VASH2: variants seen among roughly 807,000 people sequenced by gnomAD.
The protein encoded by VASH2 is tubulinyl-Tyr carboxypeptidase 2.
In VASH2, 28 loss-of-function variants were observed where a neutral mutation model predicts 37.2. That is an observed-to-expected ratio of 0.75 (90% CI 0.56 to 1.03). The LOEUF (loss-of-function observed/expected upper bound fraction) is 1.03. Ranked by LOEUF, VASH2 falls within the 50% of genes least tolerant of loss-of-function variation. VASH2 has a pLI of 0.00. For synonymous variants in VASH2, 188 were observed against 174.7 expected (o/e 1.08, Z -0.60); for missense variants, 419 against 459.1 (o/e 0.91, Z 0.80).
At position 212,972,705 on chromosome 1, in the gene VASH2, GCAT is replaced by G. The variant is rs1558148346; in HGVS notation, c.624_626del (p.Met209del). On this transcript the variant is annotated inframe_deletion, in exon 6 of 8. Transcript: ENST00000517399. ...TGCAATGGCCGCTATGGCTCATTGG[GCAT>G]GAGCCGCAGGGCTGAGCTGATGGAC... The G allele has an allele frequency of 6.2e-7, 1 of 1,614,222 alleles. No individual in the cohort carries two copies. The highest frequency in any genetic ancestry group is 1.7e-5 in the Admixed American group (1 of 60,028).
rs993168548 is a variant in VASH2 at position 212,971,660 on chromosome 1, A to G, written c.498-920A>G. On this transcript the variant is annotated intron_variant, in intron 5 of 7. Transcript: ENST00000517399. The surrounding 1 kb of genome is among the most constrained non-coding windows in gnomAD (Gnocchi z 4.0). The stretch of plus-strand genomic sequence containing the variant: ...ATGATAAAGTGAAGAGAAAGCAAGT[A>G]CAAAACTGCTTTCTTTCTAGAGAGT... Among the ~76,000 whole-genome samples, 2 of 152,210 alleles carry G rather than the reference A, an allele frequency of 1.3e-5. No individual in the cohort carries two copies. The highest frequency in any genetic ancestry group is 2.9e-5 in the Non-Finnish European group (2 of 68,030).
chr1:212,988,657 A>C lies in VASH2; in HGVS notation c.*73A>C. 1.4e-6 allele frequency: 2 copies of C among 1,425,060 alleles called. No homozygotes were observed. The highest frequency in any genetic ancestry group is 2.0e-6 in the Non-Finnish European group (2 of 1,011,836). 88.3% of individuals were successfully genotyped at this position (1,425,060 alleles called of 1,614,324 possible). On this transcript the variant is annotated 3_prime_UTR_variant, in exon 8 of 8. Transcript: ENST00000517399. ...CACTTTACCCAGCATCTTCAGGAGG[A>C]ACTGCAACTATTTATTAAGAACTTG...
At chr1:212,954,000 C>G (rs1221944594) in intron 2 of VASH2, among the ~76,000 whole-genome samples, 1 of 151,938 alleles carries the variant, frequency 6.6e-6, no homozygotes, top group African/African-American at 2.4e-5. Context: ...CCTCAACCTC[C>G]CAGGCTCAAG....
chr1:212,953,593 A>G (rs1327120963), intron 2 of VASH2, among the ~76,000 whole-genome samples: 1 of 152,214 alleles, frequency 6.6e-6, no homozygotes, highest in Non-Finnish European at 1.5e-5. Context: ...AGTAAAAATC[A>G]AGGAACTGAA....
intron 7 of VASH2, among the ~76,000 whole-genome samples, chr1:212,980,577 G>A (rs899183871): frequency 6.6e-5 from 10 of 152,184 alleles, no homozygotes; most frequent in Non-Finnish European, 1.3e-4. Context: ...TTTCACTGCA[G>A]GGCCTTGAGC....
At position 212,962,605 on chromosome 1, in the gene VASH2, G is replaced by A. The variant is rs1003987876; in HGVS notation, c.365+1351G>A. On this transcript the variant is annotated intron_variant, in intron 3 of 7. Transcript: ENST00000517399. ...TAGCACCTCCCCCACAGGGGTTGGT[G>A]TTTACTAGATCGGAAAACACCAATT... 2.0e-5 allele frequency among the ~76,000 whole-genome samples: 3 copies of A among 152,320 alleles called. No individual in the cohort carries two copies. The South Asian group carries it at 6.2e-4, about 32-fold the overall frequency.
Position 212,973,964 on chromosome 1 carries a change from C to T in VASH2, c.889C>T (p.Pro297Ser), listed in dbSNP as rs767841990. 7.4e-6 allele frequency: 12 copies of T among 1,613,416 alleles called. No homozygotes were observed. The highest frequency in any genetic ancestry group is 1.3e-5 in the African/African-American group (1 of 74,898). Residue 297 changes from proline (P) to serine (S), a missense_variant, in exon 7 of 8, where the codon CCT becomes TCT. Transcript: ENST00000517399. Reference sequence around the variant, plus strand: ...CTCACATCTCCTTCAGATCCTGAAACCTGCAAGTGCCCACTCTCCGACCCA... The same window carrying T: ...CTCACATCTCCTTCAGATCCTGAAATCTGCAAGTGCCCACTCTCCGACCCA... ...ARDMRMKILK[P>S]ASAHSPTQVR...
chr1:212,966,065 A>G (rs935104744), intron 4 of VASH2: 39 of 603,832 alleles, frequency 6.5e-5, no homozygotes, highest in Admixed American at 2.4e-4. Context: ...GTGCTGGGGC[A>G]TTGGGAGGGT....
intron 7 of VASH2, among the ~76,000 whole-genome samples, chr1:212,982,185 A>C (rs1346186907): frequency 2.0e-5 from 3 of 151,934 alleles, no homozygotes; most frequent in Non-Finnish European, 4.4e-5. Flanking sequence ...TCAAGCTTTC[A>C]CCCTAGTTCA....
intron 5 of VASH2, chr1:212,967,159 TC>T: frequency 1.5e-6 from 2 of 1,304,432 alleles, no homozygotes; most frequent in Non-Finnish European, 1.0e-6. Flanking sequence ...CACTTTCTGT[TC>T]CATTTTTCAC....
intron 7 of VASH2, among the ~76,000 whole-genome samples, chr1:212,980,133 C>A (rs1667302092): frequency 1.3e-5 from 2 of 152,214 alleles, no homozygotes; most frequent in Non-Finnish European, 2.9e-5. Flanking sequence ...AAGAACCGTT[C>A]CACCTCAAAT....
intron 2 of VASH2, among the ~76,000 whole-genome samples, chr1:212,956,125 G>C (rs1285895071): frequency 6.6e-6 from 1 of 152,172 alleles, no homozygotes; most frequent in African/African-American, 2.4e-5. Context: ...TTCCTTTCCT[G>C]GTCTTTCCCT....
rs1411028287 is a variant in VASH2, at chr1:212,951,865, AG to A, written c.276+48del. On this transcript the variant is annotated intron_variant, in intron 2 of 7. Coordinates refer to ENST00000517399, the MANE Select transcript of VASH2 (RefSeq NM_001301056.2). This position sits in a 1 kb window ranked among gnomAD's most constrained non-coding sequence, Gnocchi z 4.4. ...GTTGGGGGGCTGGGGGTAGGTAGGC[AG>A]CGATGGGACCGTTTCAGCCTATACA... 1.0e-5 allele frequency: 16 copies of A among 1,567,120 alleles called. No homozygotes were observed. The highest frequency in any genetic ancestry group is 1.4e-5 in the Non-Finnish European group (16 of 1,162,800).
At chr1:212,953,216 TG>T (rs1666376074) in intron 2 of VASH2, among the ~76,000 whole-genome samples, 1 of 131,180 alleles carries the variant, frequency 7.6e-6, no homozygotes, top group African/African-American at 2.6e-5. Flanking sequence ...CCTCCAACCA[TG>T]TATGCGGGTG....
At chr1:212,964,118 G>A (rs995929537) in intron 3 of VASH2, among the ~76,000 whole-genome samples, 10 of 152,188 alleles carry the variant, frequency 6.6e-5, no homozygotes, top group African/African-American at 1.4e-4. Flanking sequence ...GGAGCTTCCT[G>A]CTCAGTCATC....
chr1:212,966,063 G>A, intron 4 of VASH2: 1 of 603,250 alleles, frequency 1.7e-6, no homozygotes, highest in East Asian at 2.8e-5. Context: ...CCGTGCTGGG[G>A]CATTGGGAGG....
intron 2 of VASH2, among the ~76,000 whole-genome samples, chr1:212,960,204 T>C (rs1486915631): frequency 6.6e-6 from 1 of 152,230 alleles, no homozygotes; most frequent in Non-Finnish European, 1.5e-5. Context: ...AAGTGGGACC[T>C]GCTTCCCCCT....
At chr1:212,960,072 C>T (rs113667603) in intron 2 of VASH2, among the ~76,000 whole-genome samples, 2,861 of 152,314 alleles carry the variant, frequency 0.019, 43 homozygotes, top group East Asian at 0.039. Context: ...ACCAAGAAAA[C>T]CCCAAACCGT....
chr1:212,960,466 C>T (rs1284399648), intron 2 of VASH2, among the ~76,000 whole-genome samples: 3 of 152,196 alleles, frequency 2.0e-5, no homozygotes, highest in Non-Finnish European at 4.4e-5. Flanking sequence ...GGGAAAGGGA[C>T]ACACTGGGCG....
Sources: gnomAD v4.1 joint callset for allele counts (sites outside exome capture counted in the v4.1 genomes callset) on GRCh38, gnomAD v4.1.1 for gene constraint, Gnocchi (gnomAD v3.1) non-coding constraint, MANE v1.5 for transcripts, NCBI Gene and HGNC (gene_info 2026-07-23, HGNC 2026-07-21) for gene names.